CREB3L1: variants seen among roughly 807,000 people sequenced by gnomAD.
CREB3L1 encodes cAMP responsive element binding protein 3 like 1.
A neutral mutation model predicts 54.5 loss-of-function variants in CREB3L1; 33 were observed. The ratio of observed to expected loss-of-function variants is 0.61; its 90% CI spans 0.46 to 0.81. The LOEUF is 0.81. Among genes scored for constraint, CREB3L1 ranks in the 30% least tolerant of loss-of-function variants. The pLI, the probability that CREB3L1 is intolerant of heterozygous loss-of-function variation, is 0.00. For synonymous variants in CREB3L1, 284 were observed against 286.4 expected, an observed-to-expected ratio of 0.99 and a Z score of 0.08; for missense variants, 656 against 673.3, an observed-to-expected ratio of 0.97 and a Z score of 0.29.
rs373343043 is a variant in CREB3L1 at position 46,320,821 on chromosome 11, C to T, written c.*75C>T. ...GAGTTCTTGCTCACTAACCCGGATC[C>T]GCCTCGTGCCCCTGCCTCCTGGAGC... On this transcript the variant is annotated 3_prime_UTR_variant, in exon 12 of 12. Transcript: ENST00000621158. 5.7e-5 allele frequency: 85 copies of T among 1,486,090 alleles called. No individual in the cohort carries two copies. The highest frequency in any genetic ancestry group is 3.8e-4 in the African/African-American group (27 of 71,742). The allele number at this position is 1,486,090 out of a possible 1,614,324, so 92.1% of individuals were successfully genotyped here. A position where few individuals can be genotyped will look rare whatever the true frequency, so the allele number is the denominator to read the frequency against.
Position 46,310,807 on chromosome 11 carries a change from C to G in CREB3L1, c.596-225C>G, listed in dbSNP as rs76529543. On this transcript the variant is annotated intron_variant, in intron 4 of 11. Transcript: ENST00000621158. ...GGGCGAGCTTGTAAAGGAGCTGGGC[C>G]TCTGTGGTGTCAGATGAGGCAGCAC... 10,268 of 513,922 alleles carry G rather than the reference C, an allele frequency of 0.02. 883 individuals are homozygous for G. The highest frequency in any genetic ancestry group is 0.18 in the African/African-American group (9,217 of 50,174). 31.8% of individuals were successfully genotyped at this position (513,922 alleles called of 1,614,324 possible).
In CREB3L1 at chr11:46,300,109, G is replaced by A. The variant is rs186134647; in HGVS notation, c.277G>A (p.Asp93Asn). ...QAEHSYSLSGDSAPQSPLVPI... is the reference protein window; with the variant it reads ...QAEHSYSLSGNSAPQSPLVPI... The stretch of plus-strand genomic sequence containing the variant: ...GGAGCACAGCTACTCCCTGAGCGGC[G>A]ACTCAGCGCCCCAGAGCCCCCTTGT... The change falls in exon 2 of 12, where the codon GAC (aspartate) becomes AAC (asparagine). Residue 93 changes from aspartate (D) to asparagine (N), a missense_variant. By Grantham distance (23) the Asp-to-Asn change is conservative. Coordinates refer to ENST00000621158, the MANE Select transcript of CREB3L1 (RefSeq NM_052854.4). 57 of 1,613,776 alleles carry A rather than the reference G, an allele frequency of 3.5e-5. No homozygotes were observed. In the East Asian group the frequency reaches 9.6e-4, roughly 27 times the overall value.
At chr11:46,294,013 A>G (rs975168485) in intron 1 of CREB3L1, among the ~76,000 whole-genome samples, 4 of 152,186 alleles carry the variant, frequency 2.6e-5, no homozygotes, top group Admixed American at 2.6e-4. Context: ...AAGGCTGCAC[A>G]TGGAACTGGC....
At chr11:46,312,760 G>A (rs1939511017) in intron 7 of CREB3L1, 90 bp downstream of exon 7, 4 of 1,549,382 alleles carry the variant, frequency 2.6e-6, no homozygotes, top group Middle Eastern at 3.3e-4. Context: ...GAGGCAGGGG[G>A]CACAGGGAGT....
In CREB3L1 at chr11:46,312,969, C is replaced by A. The variant is rs375608071; in HGVS notation, c.1031+50C>A. ...CCTGGCCCCCTGCCCCTCTGCAACC[C>A]GTGCCTGGCTCTGCATAGCTCTGGG... On this transcript the variant is annotated intron_variant, in intron 8 of 11. Transcript: ENST00000621158. 14 of 1,394,524 alleles carry A rather than the reference C, an allele frequency of 1.0e-5. No homozygotes were observed. The African/African-American group carries it at 1.9e-4, about 19-fold the overall frequency. 86.4% of individuals were successfully genotyped at this position (1,394,524 alleles called of 1,614,324 possible). A position where few individuals can be genotyped will look rare whatever the true frequency, so the allele number is the denominator to read the frequency against.
rs377679004 is a variant in CREB3L1 at position 46,312,865 on chromosome 11, C to T, written c.977C>T (p.Thr326Ile). The change falls in exon 8 of 12, where the codon ACA (threonine) becomes ATA (isoleucine). Residue 326 changes from threonine to isoleucine, a missense_variant. Physicochemically the swap from Thr to Ile is moderately conservative, Grantham distance 89. Transcript: ENST00000621158. Reference sequence around the variant, plus strand: ...GGCCCCTACAGGGTGGAGACATTTACATCTGAGAACAATGAACTGTGGAAG... The same window carrying T: ...GGCCCCTACAGGGTGGAGACATTTATATCTGAGAACAATGAACTGTGGAAG... ...ECLEKKVETF[T>I]SENNELWKKV... 3.8e-6 allele frequency: 6 copies of T among 1,592,252 alleles called. No homozygotes were observed. The highest frequency in any genetic ancestry group is 2.7e-5 in the African/African-American group (2 of 74,406).
chr11:46,313,016 A>C, intron 8 of CREB3L1, 97 bp downstream of exon 8: 1 of 936,002 alleles, frequency 1.1e-6, no homozygotes, highest in Non-Finnish European at 1.6e-6. Context: ...AGGAGAGAGA[A>C]CTAAGTTTAG....
intron 1 of CREB3L1, among the ~76,000 whole-genome samples, chr11:46,287,753 G>A (rs1284294276): frequency 6.6e-6 from 1 of 152,052 alleles, no homozygotes; most frequent in Non-Finnish European, 1.5e-5. Context: ...CGAGGCGGGT[G>A]GATCACAAGG....
chr11:46,286,849 A>G (rs1939062283), intron 1 of CREB3L1, among the ~76,000 whole-genome samples: 1 of 152,210 alleles, frequency 6.6e-6, no homozygotes, highest in Non-Finnish European at 1.5e-5. Context: ...AAAAGAAAAG[A>G]AAACACACTC....
chr11:46,305,838 T>C (rs1014113502), intron 2 of CREB3L1, among the ~76,000 whole-genome samples: 16 of 149,092 alleles, frequency 1.1e-4, no homozygotes, highest in African/African-American at 3.7e-4. Context: ...CCCGGGTTCA[T>C]GCCATTCTCC....
chr11:46,310,215 A>G (rs973912348), intron 4 of CREB3L1, 148 bp downstream of exon 4: 4 of 629,044 alleles, frequency 6.4e-6, no homozygotes, highest in Non-Finnish European at 1.1e-5. Flanking sequence ...CTGTCCCTCC[A>G]TCCATGCCCA....
intron 1 of CREB3L1, among the ~76,000 whole-genome samples, chr11:46,298,126 C>T (rs552703548): frequency 6.6e-6 from 1 of 152,296 alleles, no homozygotes; most frequent in South Asian, 2.1e-4. Flanking sequence ...GACTCCAGAG[C>T]TCGTGTTCAT....
intron 8 of CREB3L1, chr11:46,315,189 G>A: frequency 2.9e-6 from 1 of 339,978 alleles, no homozygotes; most frequent in South Asian, 2.7e-5. Flanking sequence ...GCGGGATCCA[G>A]CCACTCCTCT....
At chr11:46,318,795 G>A (rs940290539) in intron 10 of CREB3L1, among the ~76,000 whole-genome samples, 9 of 152,166 alleles carry the variant, frequency 5.9e-5, no homozygotes, top group Non-Finnish European at 1.2e-4. Flanking sequence ...GGTCAGAGGA[G>A]GGAAGATTAA....
Position 46,278,084 on chromosome 11 carries a change from T to G in CREB3L1, c.-28T>G, listed in dbSNP as rs921390791. ...CCGCCCTGGAGTGAGGGAAGCCCAG[T>G]GGAAGGGGGTCCCGGGAGCCGGCTG... On this transcript the variant is annotated 5_prime_UTR_variant, in exon 1 of 12. Transcript: ENST00000621158. The surrounding 1 kb of genome is among the most constrained non-coding windows in gnomAD (Gnocchi z 4.2). 1 of 1,468,410 alleles carries G rather than the reference T, an allele frequency of 6.8e-7. No homozygotes were observed. Among genetic ancestry groups the G allele is most frequent in the Non-Finnish European group, 9.3e-7 (1 of 1,078,122 alleles). 91.0% of individuals were successfully genotyped at this position (1,468,410 alleles called of 1,614,324 possible).
chr11:46,308,649 G>A (rs1213852419), intron 3 of CREB3L1, among the ~76,000 whole-genome samples: 2 of 152,214 alleles, frequency 1.3e-5, no homozygotes, highest in South Asian at 2.1e-4. Flanking sequence ...AACCCCCTAA[G>A]GTGCTTCTAG....
chr11:46,302,055 C>G lies in CREB3L1; in HGVS notation c.331+1892C>G, dbSNP rs888017821. Among the ~76,000 whole-genome samples, 4 of 150,986 alleles carry G rather than the reference C, an allele frequency of 2.6e-5. No homozygotes were observed. The East Asian group carries it at 7.9e-4, about 30-fold the overall frequency. On this transcript the variant is annotated intron_variant, in intron 2 of 11. Transcript: ENST00000621158. ...TGGTGGCGGGTGCCTGTAGTCCCAG[C>G]TACTCAGGAGGCTAAGGCAAGAGAA...
intron 1 of CREB3L1, among the ~76,000 whole-genome samples, chr11:46,285,822 C>T (rs962903932): frequency 6.6e-6 from 1 of 152,222 alleles, no homozygotes; most frequent in Non-Finnish European, 1.5e-5. Flanking sequence ...GCTCCTCCTC[C>T]CCTTCCAAAA....
rs112146024 is a variant in CREB3L1 at position 46,311,514 on chromosome 11, T to G, written c.753+325T>G. Among the ~76,000 whole-genome samples the G allele has an allele frequency of 7.9e-3, 1,202 of 151,926 alleles. 17 individuals carry two copies. The highest frequency in any genetic ancestry group is 0.027 in the African/African-American group (1,133 of 41,414). ...GTGTCTGGCTTTTTTTTGTTTGTTT[T>G]TTTTTTTTGAGATGGAGTCTCGCTC... is the stretch of plus-strand genomic sequence containing the variant. On this transcript the variant is annotated intron_variant, in intron 5 of 11. Coordinates refer to ENST00000621158, the MANE Select transcript of CREB3L1 (RefSeq NM_052854.4).
Sources: gnomAD v4.1 joint callset for allele counts (sites outside exome capture counted in the v4.1 genomes callset) on GRCh38, gnomAD v4.1.1 for gene constraint, Gnocchi (gnomAD v3.1) non-coding constraint, MANE v1.5 for transcripts, NCBI Gene and HGNC (gene_info 2026-07-23, HGNC 2026-07-21) for gene names.